Variants in SLC7A8 observed in about 807,000 individuals in gnomAD.
SLC7A8 encodes solute carrier family 7 member 8.
In SLC7A8, 30 loss-of-function variants were observed where a neutral mutation model predicts 51.2. The observed-to-expected ratio is 0.59, with a 90% CI of 0.44 to 0.80. SLC7A8 has a LOEUF of 0.80. SLC7A8 is among the 30% of genes least tolerant of loss of function. The pLI is 0.00. For missense variants in SLC7A8, 612 were observed against 674.4 expected (o/e 0.91, Z 1.03); for synonymous variants, 257 against 275.8 (o/e 0.93, Z 0.67).
chr14:23,181,298 A>C (rs1566377137), intron 1 of SLC7A8, among the ~76,000 whole-genome samples: 1 of 152,220 alleles, frequency 6.6e-6, no homozygotes, highest in South Asian at 2.1e-4. Context: ...GGCAAAAAAA[A>C]TGTCATGAGA....
rs996486767 is a variant in SLC7A8 at position 23,183,082 on chromosome 14, T to C, written c.-168A>G. The stretch of plus-strand genomic sequence containing the variant: ...TAAAAGAGAACACGAAAAATATTCC[T>C]ACTCCGCATTCACACTTTCTGGTCA... On this transcript the variant is annotated 5_prime_UTR_variant, in exon 1 of 11. Coordinates refer to ENST00000316902, the MANE Select transcript of SLC7A8 (RefSeq NM_012244.4). 5.0e-6 allele frequency: 2 copies of C among 396,312 alleles called. No homozygotes were observed. The highest frequency in any genetic ancestry group is 8.2e-6 in the Non-Finnish European group (2 of 244,706). The allele number at this position is 396,312 out of a possible 1,614,324, so 24.5% of individuals were successfully genotyped here.
intron 3 of SLC7A8, among the ~76,000 whole-genome samples, chr14:23,143,622 T>C (rs2048765004): frequency 6.6e-6 from 1 of 152,212 alleles, no homozygotes; most frequent in Admixed American, 6.5e-5. Context: ...CTTAGGGGAA[T>C]CTTATGTTAC....
chr14:23,152,603 G>A (rs759509717), intron 3 of SLC7A8, among the ~76,000 whole-genome samples: 5 of 152,028 alleles, frequency 3.3e-5, no homozygotes, highest in African/African-American at 4.8e-5. Context: ...TTGTAGAGAC[G>A]GGTTATGCCA....
chr14:23,163,159 C>T (rs892551257), intron 3 of SLC7A8, among the ~76,000 whole-genome samples: 2 of 152,150 alleles, frequency 1.3e-5, no homozygotes, highest in Non-Finnish European at 2.9e-5. Context: ...TCTTGCCCAC[C>T]CCCAGTGACT....
At chr14:23,158,287 G>A (rs1310182773) in intron 3 of SLC7A8, among the ~76,000 whole-genome samples, 1 of 152,156 alleles carries the variant, frequency 6.6e-6, no homozygotes, top group Admixed American at 6.5e-5. Context: ...AGGATCCTGG[G>A]AGCACCACCC....
intron 2 of SLC7A8, 41 bp downstream of exon 2, chr14:23,166,295 C>T (rs768169616): frequency 8.1e-6 from 13 of 1,597,100 alleles, no homozygotes; most frequent in African/African-American, 1.3e-5. Flanking sequence ...TGTCTTCCTC[C>T]TTTTCCCCTA....
rs536430967 is a variant in SLC7A8 at position 23,128,708 on chromosome 14, G to A, written c.1264-512C>T. Among the ~76,000 whole-genome samples the A allele has an allele frequency of 1.3e-5, 2 of 152,322 alleles. No individual in the cohort carries two copies. Among genetic ancestry groups the A allele is most frequent in the East Asian group, 3.9e-4 (2 of 5,178 alleles). On this transcript the variant is annotated intron_variant, in intron 9 of 10. Coordinates refer to ENST00000316902, the MANE Select transcript of SLC7A8 (RefSeq NM_012244.4). The surrounding 1 kb of genome is among the most constrained non-coding windows in gnomAD (Gnocchi z 4.3). ...AATATGGCAAATGTCAGCTCCTTAT[G>A]GGCCACATGTGGGGAGTTCCTGAGA... is the stretch of plus-strand genomic sequence containing the variant.
At chr14:23,133,302 G>A (rs1476325089) in intron 7 of SLC7A8, among the ~76,000 whole-genome samples, 1 of 152,002 alleles carries the variant, frequency 6.6e-6, no homozygotes, top group East Asian at 1.9e-4. Context: ...TTAGCCAGGT[G>A]TGGTGGCATG....
chr14:23,129,282 G>T (rs146044848), intron 9 of SLC7A8: 2 of 175,030 alleles, frequency 1.1e-5, no homozygotes, highest in East Asian at 3.3e-4. Context: ...GTCATTCTGG[G>T]ATGGAGACAT....
intron 3 of SLC7A8, among the ~76,000 whole-genome samples, chr14:23,144,209 T>C (rs905298466): frequency 6.6e-6 from 1 of 152,184 alleles, no homozygotes; most frequent in Non-Finnish European, 1.5e-5. Flanking sequence ...ATAGAGTAAA[T>C]GTGTTTAACT....
Position 23,138,073 on chromosome 14 carries a change from G to C in SLC7A8, c.913-49C>G, listed in dbSNP as rs112267928. 41 of 1,599,706 alleles carry C rather than the reference G, an allele frequency of 2.6e-5. No homozygotes were observed. In the African/African-American group the frequency reaches 4.2e-4, roughly 16 times the overall value. On this transcript the variant is annotated intron_variant, in intron 6 of 10. Transcript: ENST00000316902. The stretch of plus-strand genomic sequence containing the variant: ...AGCAAAGGAGAGGTCACCACTCCCC[G>C]ACCCCTCAGCTCCCACTTCACTCTG...
intron 3 of SLC7A8, chr14:23,156,422 T>C (rs2048893656): frequency 6.6e-6 from 1 of 152,276 alleles, no homozygotes; most frequent in South Asian, 2.1e-4. Flanking sequence ...CACAACTTGC[T>C]GAACTCTTAT....
rs117617634 is a variant in SLC7A8, at chr14:23,146,306, G to A, written c.509-3102C>T. Among the ~76,000 whole-genome samples the A allele has an allele frequency of 8.0e-4, 122 of 152,316 alleles. 1 individual carries two copies. The East Asian group carries it at 0.019, about 23-fold the overall frequency. ...AAAATCCTTCTCCAAGGGGAGGAGA[G>A]GGGAGGGCGAGGAAATGACAGAAAG... is the stretch of plus-strand genomic sequence containing the variant. On this transcript the variant is annotated intron_variant, in intron 3 of 10. Transcript: ENST00000316902.
intron 7 of SLC7A8, among the ~76,000 whole-genome samples, chr14:23,135,575 G>A (rs1439772364): frequency 1.3e-5 from 2 of 151,926 alleles, no homozygotes; most frequent in African/African-American, 2.4e-5. Context: ...GGTGGCAGGC[G>A]CCTGTAGTCC....
At position 23,173,755 on chromosome 14, in the gene SLC7A8, C is replaced by A. The variant is rs965410057; in HGVS notation, c.152-7215G>T. Among the ~76,000 whole-genome samples, 7 of 152,210 alleles carry A rather than the reference C, an allele frequency of 4.6e-5. No homozygotes were observed. In the South Asian group the frequency reaches 1.5e-3, roughly 32 times the overall value. The stretch of plus-strand genomic sequence containing the variant: ...CTCCCAAGCTCAAGCAATCCTCCCA[C>A]CTCAGCCTCCCTAGTGCTGGGACCA... On this transcript the variant is annotated intron_variant, in intron 1 of 10. Coordinates refer to ENST00000316902, the MANE Select transcript of SLC7A8 (RefSeq NM_012244.4).
intron 9 of SLC7A8, chr14:23,129,436 T>G: frequency 1.8e-6 from 1 of 546,436 alleles, no homozygotes; most frequent in African/African-American, 1.9e-5. Context: ...TTGATCTGAC[T>G]TATTCCCCAG....
At chr14:23,127,915 GT>G (rs1239021965) in intron 10 of SLC7A8, 103 bp downstream of exon 10, 1 of 979,750 alleles carries the variant, frequency 1.0e-6, no homozygotes, top group Non-Finnish European at 1.5e-6. Flanking sequence ...TGAGGAGAAG[GT>G]GAGCCTAGAT....
chr14:23,154,389 A>C, intron 3 of SLC7A8: 1 of 997,666 alleles, frequency 1.0e-6, no homozygotes, highest in South Asian at 4.7e-5. Flanking sequence ...CTGGGTGCCC[A>C]GGCTGGAGGT....
At chr14:23,131,312 A>G in intron 8 of SLC7A8, 149 bp downstream of exon 8, 1 of 529,944 alleles carries the variant, frequency 1.9e-6, no homozygotes, top group Admixed American at 3.9e-5. Context: ...GATGATGGGT[A>G]TCATTTGCCA....
Sources: allele counts gnomAD v4.1 joint callset (sites outside exome capture counted in the v4.1 genomes callset), GRCh38; gene constraint gnomAD v4.1.1; non-coding constraint Gnocchi (gnomAD v3.1); transcripts MANE v1.5; gene names NCBI Gene and HGNC (gene_info 2026-07-23, HGNC 2026-07-21).